Variants in SFSWAP observed in about 807,000 individuals in gnomAD.
The protein encoded by SFSWAP is splicing factor SWAP, also known as splicing factor, suppressor of white-apricot homolog.
A neutral mutation model predicts 100.7 loss-of-function variants in SFSWAP; 17 were observed. The observed-to-expected ratio is 0.17, with a 90% CI of 0.12 to 0.25. The LOEUF (loss-of-function observed/expected upper bound fraction) is 0.25. Among genes scored for constraint, SFSWAP ranks in the 10% least tolerant of loss-of-function variants. The pLI is 1.00. For missense variants in SFSWAP, 1,005 were observed against 1,262.6 expected, an observed-to-expected ratio of 0.80 and a Z score of 3.09; for synonymous variants, 504 against 510.1, an observed-to-expected ratio of 0.99 and a Z score of 0.16.
intron 7 of SFSWAP, among the ~76,000 whole-genome samples, chr12:131,740,947 CT>C (rs1314682832): frequency 7.0e-5 from 6 of 85,966 alleles, no homozygotes; most frequent in African/African-American, 1.7e-4. Context: ...CTTTTCATTT[CT>C]TTTTTTTTCT....
chr12:131,711,292 C>A lies in SFSWAP; in HGVS notation c.63C>A (p.Ala21=). 6.2e-7 allele frequency: 1 copy of A among 1,613,052 alleles called. No individual in the cohort carries two copies. The highest frequency in any genetic ancestry group is 1.1e-5 in the South Asian group (1 of 91,062). The change falls in exon 1 of 18, where the codon GCC becomes GCA. Residue 21 remains alanine, a synonymous_variant. Coordinates refer to ENST00000261674, the MANE Select transcript of SFSWAP (RefSeq NM_004592.4). This position sits in a 1 kb window ranked among gnomAD's most constrained non-coding sequence, Gnocchi z 4.9. ...PERKSGAKEE[A]GPGGAGGGGS... is the part of the protein sequence containing the mutation. The stretch of plus-strand genomic sequence containing the variant: ...GGAAAAGCGGCGCGAAGGAGGAGGC[C>A]GGGCCAGGCGGTGCCGGCGGTGGGG...
At chr12:131,731,475 G>A (rs992093229) in intron 7 of SFSWAP, among the ~76,000 whole-genome samples, 1 of 152,206 alleles carries the variant, frequency 6.6e-6, no homozygotes, top group African/African-American at 2.4e-5. Context: ...TTGGGGTCCT[G>A]TGTGGCAGGT....
chr12:131,721,691 C>T (rs1159184755), intron 4 of SFSWAP, among the ~76,000 whole-genome samples: 4 of 152,140 alleles, frequency 2.6e-5, no homozygotes, highest in African/African-American at 7.2e-5. Context: ...TTTGTGTTCT[C>T]AGCCAAAATA....
rs1243322822 is a variant in SFSWAP at position 131,722,998 on chromosome 12, C to A, written c.607-2407C>A. Among the ~76,000 whole-genome samples the A allele has an allele frequency of 2.0e-5, 3 of 152,138 alleles. No individual in the cohort carries two copies. The East Asian group carries it at 5.8e-4, about 29-fold the overall frequency. ...CTCTATGAAGCAAATACAGTTGTTG[C>A]CAGATGTTAAAGTTTAGAAAGTTAA... On this transcript the variant is annotated intron_variant, in intron 4 of 17. Coordinates refer to ENST00000261674, the MANE Select transcript of SFSWAP (RefSeq NM_004592.4).
intron 13 of SFSWAP, among the ~76,000 whole-genome samples, chr12:131,773,685 C>T (rs1883792562): frequency 6.6e-6 from 1 of 152,172 alleles, no homozygotes; most frequent in African/African-American, 2.4e-5. Flanking sequence ...GTTTACAATT[C>T]CAGTAAGAGT....
Position 131,792,289 on chromosome 12 carries a change from C to T in SFSWAP, c.2535-4889C>T, listed in dbSNP as rs373183834. On this transcript the variant is annotated intron_variant, in intron 15 of 17. Transcript: ENST00000261674. Reference sequence around the variant, plus strand: ...TGTGCATATGTGTGTATTCACAGATCAGTACTGTGTGTGCACCCGTGTGTG... The same window carrying T: ...TGTGCATATGTGTGTATTCACAGATTAGTACTGTGTGTGCACCCGTGTGTG... 6.1e-3 allele frequency among the ~76,000 whole-genome samples: 910 copies of T among 149,832 alleles called. 8 individuals carry two copies. The highest frequency in any genetic ancestry group is 0.021 in the African/African-American group (843 of 40,444).
intron 15 of SFSWAP, among the ~76,000 whole-genome samples, chr12:131,795,331 A>G (rs1049722954): frequency 1.3e-5 from 2 of 152,198 alleles, no homozygotes; most frequent in African/African-American, 2.4e-5. Context: ...AGGTCACTTC[A>G]CTGGCACCAA....
chr12:131,755,313 G>A, intron 9 of SFSWAP, 73 bp from the exon 10 acceptor site: 2 of 1,022,252 alleles, frequency 2.0e-6, no homozygotes, highest in Non-Finnish European at 3.1e-6. Context: ...AAAGAGCTAG[G>A]AGAACAGGGC....
intron 7 of SFSWAP, among the ~76,000 whole-genome samples, chr12:131,731,314 G>C (rs1029777646): frequency 6.6e-6 from 1 of 152,058 alleles, no homozygotes; most frequent in African/African-American, 2.4e-5. Flanking sequence ...TGACTCACAC[G>C]CACCTCCCTG....
In SFSWAP at chr12:131,756,594, A is replaced by G; in HGVS notation, c.1670A>G (p.Lys557Arg). ...EVGARAGSGG[K>R]KEASSSKTVP... Reference sequence around the variant, plus strand: ...GGAGCACGGGCAGGCTCAGGCGGGAAGAAGGAGGCATCGTCCAGTAAGACC... The same window carrying G: ...GGAGCACGGGCAGGCTCAGGCGGGAGGAAGGAGGCATCGTCCAGTAAGACC... Residue 557 changes from lysine (K) to arginine (R), a missense_variant, in exon 11 of 18, where the codon AAG (lysine) becomes AGG (arginine). Lys to Arg is a conservative substitution (Grantham distance 26). Coordinates refer to ENST00000261674, the MANE Select transcript of SFSWAP (RefSeq NM_004592.4). The G allele has an allele frequency of 1.2e-6, 2 of 1,612,824 alleles. No individual in the cohort carries two copies. The highest frequency in any genetic ancestry group is 1.7e-6 in the Non-Finnish European group (2 of 1,179,624).
At chr12:131,785,168 C>T (rs774325991) in intron 14 of SFSWAP, 116 of 1,535,580 alleles carry the variant, frequency 7.6e-5, no homozygotes, top group Non-Finnish European at 9.6e-5. Context: ...CAGGCAGCCT[C>T]GACCACCACC....
intron 3 of SFSWAP, among the ~76,000 whole-genome samples, chr12:131,718,000 G>A (rs755054892): frequency 1.1e-4 from 17 of 152,220 alleles, no homozygotes; most frequent in Non-Finnish European, 2.2e-4. Context: ...CAAAGTGCTG[G>A]GATTCCAGGC....
At chr12:131,724,726 A>T (rs1878796326) in intron 4 of SFSWAP, among the ~76,000 whole-genome samples, 1 of 152,210 alleles carries the variant, frequency 6.6e-6, no homozygotes. Context: ...ACATGAAGGG[A>T]TGGGGGAGGG....
At position 131,786,507 on chromosome 12, in the gene SFSWAP, G is replaced by T; in HGVS notation, c.2453G>T (p.Arg818Ile). ...SPRRRAHSPE[R>I]RREERSVPTA... Reference sequence around the variant, plus strand: ...CGGAGGAGAGCCCACTCCCCTGAGAGACGGAGGGAAGAGAGGAGTGTGCCC... The same window carrying T: ...CGGAGGAGAGCCCACTCCCCTGAGATACGGAGGGAAGAGAGGAGTGTGCCC... Residue 818 changes from arginine to isoleucine, a missense_variant, in exon 15 of 18, where the codon AGA (arginine) becomes ATA (isoleucine). Arg to Ile is a moderately conservative substitution (Grantham distance 97, BLOSUM62 -3). Around this residue, in one of 7 missense-constraint regions of SFSWAP, gnomAD observed 295 missense variants for 347.9 expected, o/e 0.85. Transcript: ENST00000261674. The T allele has an allele frequency of 6.3e-7, 1 of 1,586,736 alleles. No homozygotes were observed. The highest frequency in any genetic ancestry group is 1.1e-5 in the South Asian group (1 of 87,074).
intron 12 of SFSWAP, among the ~76,000 whole-genome samples, 163 bp from the exon 13 acceptor site, chr12:131,765,955 G>A (rs557652475): frequency 1.4e-4 from 21 of 152,294 alleles, no homozygotes; most frequent in Admixed American, 4.6e-4. Context: ...AAAAGGGCAC[G>A]TTATAAACTA....
intron 7 of SFSWAP, among the ~76,000 whole-genome samples, chr12:131,731,916 T>C (rs2069821783): frequency 7.4e-6 from 1 of 135,872 alleles, no homozygotes; most frequent in South Asian, 2.6e-4. Context: ...TTTTTTTTTT[T>C]TTTTTTTTTT....
intron 15 of SFSWAP, among the ~76,000 whole-genome samples, chr12:131,792,047 T>C (rs891893275): frequency 6.6e-6 from 1 of 150,430 alleles, no homozygotes; most frequent in Non-Finnish European, 1.5e-5. Flanking sequence ...CACGGATCAG[T>C]ACTGTGTGTG....
chr12:131,769,463 A>G (rs182450331), intron 13 of SFSWAP, among the ~76,000 whole-genome samples: 1 of 152,298 alleles, frequency 6.6e-6, no homozygotes, highest in East Asian at 1.9e-4. Flanking sequence ...GTCGTCATAA[A>G]ATTTCCAGTG....
chr12:131,729,424 G>A (rs1004649352), intron 7 of SFSWAP, among the ~76,000 whole-genome samples: 1 of 152,136 alleles, frequency 6.6e-6, no homozygotes, highest in African/African-American at 2.4e-5. Flanking sequence ...GGATGGCTTA[G>A]CCCCAGGAGG....
Sources: gnomAD v4.1 joint callset for allele counts (sites outside exome capture counted in the v4.1 genomes callset) on GRCh38, gnomAD v4.1.1 for gene constraint, gnomAD v4.1.1 regional missense constraint, Gnocchi (gnomAD v3.1) non-coding constraint, MANE v1.5 for transcripts, NCBI Gene and HGNC (gene_info 2026-07-23, HGNC 2026-07-21) for gene names.